Variants in NRG3 observed in about 807,000 individuals in gnomAD.
The protein encoded by NRG3 is pro-neuregulin-3, membrane-bound isoform.
In NRG3, 31 loss-of-function variants were observed where a neutral mutation model predicts 66.9. The ratio of observed to expected loss-of-function variants is 0.46; its 90% CI spans 0.35 to 0.63. The LOEUF (loss-of-function observed/expected upper bound fraction) is 0.63. Ranked by LOEUF, NRG3 falls within the 20% of genes least tolerant of loss-of-function variation. The pLI is 0.00. For synonymous variants in NRG3, 393 were observed against 359.4 expected (o/e 1.09, Z -1.06); for missense variants, 910 against 878.9 (o/e 1.04, Z -0.45).
intron 2 of NRG3, among the ~76,000 whole-genome samples, chr10:82,665,729 G>A (rs961485742): frequency 3.3e-5 from 5 of 152,024 alleles, no homozygotes; most frequent in Non-Finnish European, 5.9e-5. Flanking sequence ...ATAACAGAGT[G>A]CGAAGAACAT....
intron 3 of NRG3, among the ~76,000 whole-genome samples, chr10:82,793,048 T>C (rs1308395826): frequency 6.6e-6 from 1 of 152,116 alleles, no homozygotes; most frequent in African/African-American, 2.4e-5. Context: ...TTTTTATTTT[T>C]AACAATCTCT....
At chr10:81,942,636 G>C (rs994897579) in intron 1 of NRG3, among the ~76,000 whole-genome samples, 3 of 152,076 alleles carry the variant, frequency 2.0e-5, no homozygotes, top group African/African-American at 7.2e-5. Context: ...CAACTCTGTT[G>C]AGTCAACATT....
At chr10:81,983,311 G>A (rs985100339) in intron 1 of NRG3, among the ~76,000 whole-genome samples, 1 of 152,212 alleles carries the variant, frequency 6.6e-6, no homozygotes, top group African/African-American at 2.4e-5. Flanking sequence ...CACAGCAATT[G>A]CTCCTTTTCT....
At chr10:82,255,954 C>T (rs762509986) in intron 1 of NRG3, among the ~76,000 whole-genome samples, 2 of 150,134 alleles carry the variant, frequency 1.3e-5, no homozygotes, top group East Asian at 2.0e-4. Flanking sequence ...GATGGAGTCT[C>T]GCTCTGTCAC....
chr10:82,735,831 G>A (rs1400062016), intron 2 of NRG3, among the ~76,000 whole-genome samples: 1 of 152,128 alleles, frequency 6.6e-6, no homozygotes, highest in Non-Finnish European at 1.5e-5. Context: ...TGGATGTCGG[G>A]TTGGTGGGTG....
intron 2 of NRG3, among the ~76,000 whole-genome samples, chr10:82,399,500 C>T (rs1168878218): frequency 2.6e-5 from 4 of 152,236 alleles, no homozygotes; most frequent in South Asian, 4.2e-4. Context: ...ATTTATTTCT[C>T]ACAGTTCTGG....
chr10:82,472,802 G>A (rs889434541), intron 2 of NRG3, among the ~76,000 whole-genome samples: 4 of 152,162 alleles, frequency 2.6e-5, no homozygotes, highest in Admixed American at 6.5e-5. Flanking sequence ...AAGTGACTTT[G>A]TTGTTTTATT....
At chr10:82,114,023 C>T (rs1467329599) in intron 1 of NRG3, among the ~76,000 whole-genome samples, 2 of 152,160 alleles carry the variant, frequency 1.3e-5, no homozygotes, top group Non-Finnish European at 2.9e-5. Context: ...CACTAATCTA[C>T]TTTGTCTGTC....
intron 4 of NRG3, among the ~76,000 whole-genome samples, chr10:82,932,661 A>C (rs1321825569): frequency 1.3e-5 from 2 of 152,208 alleles, no homozygotes; most frequent in Non-Finnish European, 2.9e-5. Context: ...GCAAGCTCAC[A>C]GTGGAGCGTC....
intron 2 of NRG3, among the ~76,000 whole-genome samples, chr10:82,441,393 G>A (rs1218545628): frequency 1.3e-5 from 2 of 152,186 alleles, no homozygotes; most frequent in Non-Finnish European, 2.9e-5. Context: ...CTGTACTGCG[G>A]TAGAAACAAC....
chr10:82,449,543 T>C lies in NRG3; in HGVS notation c.953+90675T>C, dbSNP rs1238488469. On this transcript the variant is annotated intron_variant, in intron 2 of 8. Coordinates refer to ENST00000372141, the MANE Select transcript of NRG3 (RefSeq NM_001010848.4). ...GGAAAGAATTCATAATCACAATCAA[T>C]AACAGAGAACGAATAACTTGAAGTC... 2.0e-5 allele frequency among the ~76,000 whole-genome samples: 3 copies of C among 152,162 alleles called. 1 individual carries two copies. Among genetic ancestry groups the C allele is most frequent in the South Asian group, 4.1e-4 (2 of 4,830 alleles).
intron 1 of NRG3, among the ~76,000 whole-genome samples, chr10:81,978,603 A>T (rs191209131): frequency 5.5e-4 from 84 of 152,338 alleles, no homozygotes; most frequent in Admixed American, 1.4e-3. Flanking sequence ...ATACTCCTGG[A>T]TAAGAAGAAA....
chr10:82,212,227 G>C (rs959650484), intron 1 of NRG3, among the ~76,000 whole-genome samples: 2 of 152,150 alleles, frequency 1.3e-5, no homozygotes, highest in African/African-American at 2.4e-5. Context: ...GACTTGTTCT[G>C]AGGAGCAAAG....
intron 1 of NRG3, among the ~76,000 whole-genome samples, chr10:81,939,847 C>G (rs1182004524): frequency 1.3e-5 from 2 of 151,242 alleles, no homozygotes; most frequent in Non-Finnish European, 2.9e-5. Flanking sequence ...TTTTCCAGTT[C>G]CTTGATGTAT....
intron 1 of NRG3, among the ~76,000 whole-genome samples, chr10:82,080,716 T>A: frequency 6.6e-6 from 1 of 152,126 alleles, no homozygotes. Flanking sequence ...TTTTAACCTT[T>A]AAAAAAAATG....
chr10:82,871,368 A>G (rs771935966), intron 4 of NRG3, among the ~76,000 whole-genome samples: 1 of 152,014 alleles, frequency 6.6e-6, no homozygotes, highest in African/African-American at 2.4e-5. Flanking sequence ...CCGTCTTTCA[A>G]CTTTGTCTTT....
chr10:82,554,734 C>T (rs1427263409), intron 2 of NRG3, among the ~76,000 whole-genome samples: 3 of 152,110 alleles, frequency 2.0e-5, no homozygotes, highest in Admixed American at 6.6e-5. Flanking sequence ...TAATTCTAGT[C>T]ATAATTTAAC....
intron 1 of NRG3, among the ~76,000 whole-genome samples, chr10:82,058,323 G>T (rs1473465345): frequency 6.6e-6 from 1 of 151,772 alleles, no homozygotes; most frequent in Admixed American, 6.6e-5. Context: ...TTTTTATATA[G>T]TCAAATATAT....
chr10:82,398,524 TGTGAGAGAGA>T (rs2086870379), intron 2 of NRG3, among the ~76,000 whole-genome samples: 1 of 141,138 alleles, frequency 7.1e-6, no homozygotes, highest in Non-Finnish European at 1.6e-5. Flanking sequence ...TGTGTGTGTG[TGTGAGAGAGA>T]GAGAGAGAGA....
Sources: gnomAD v4.1 joint callset for allele counts (sites outside exome capture counted in the v4.1 genomes callset) on GRCh38, gnomAD v4.1.1 for gene constraint, MANE v1.5 for transcripts, NCBI Gene and HGNC (gene_info 2026-07-23, HGNC 2026-07-21) for gene names.